Variants in ACTN4 observed in about 807,000 individuals in gnomAD.
ACTN4 encodes actinin alpha 4, also known as alpha-actinin-4.
Under a neutral mutation model 114.2 loss-of-function variants are expected in ACTN4, and 18 were observed. The ratio of observed to expected loss-of-function variants is 0.16; its 90% CI spans 0.11 to 0.23. The LOEUF (loss-of-function observed/expected upper bound fraction) is 0.23, where lower values mean the gene tolerates loss of function less well. Among genes scored for constraint, ACTN4 ranks in the 10% least tolerant of loss-of-function variants. The pLI is 1.00. For synonymous variants in ACTN4, 515 were observed against 506.3 expected, an observed-to-expected ratio of 1.02 and a Z score of -0.23; for missense variants, 722 against 1,262.9, an observed-to-expected ratio of 0.57 and a Z score of 6.49.
chr19:38,724,107 A>G lies in ACTN4; in HGVS notation c.1692+30A>G. 1 of 1,613,498 alleles carries G rather than the reference A, an allele frequency of 6.2e-7. No individual in the cohort carries two copies. Among genetic ancestry groups the G allele is most frequent in the Non-Finnish European group, 8.5e-7 (1 of 1,179,956 alleles). On this transcript the variant is annotated intron_variant, in intron 14 of 20. Coordinates refer to ENST00000252699, the MANE Select transcript of ACTN4 (RefSeq NM_004924.6). This position sits in a 1 kb window ranked among gnomAD's most constrained non-coding sequence, Gnocchi z 7.0. ...GCACCCCCCGGCCCCCCATCTTCCC[A>G]AGAGCCTCTGTGGGGCTGGGCCGCC...
At chr19:38,700,742 C>T (rs374508259) in intron 2 of ACTN4, 28 bp downstream of exon 2, 53 of 1,589,236 alleles carry the variant, frequency 3.3e-5, no homozygotes, top group Non-Finnish European at 3.6e-5. Context: ...GCAGTGCGGC[C>T]GAGCCCTGGC....
intron 1 of ACTN4, among the ~76,000 whole-genome samples, chr19:38,690,532 T>C (rs1409427016): frequency 6.6e-6 from 1 of 152,206 alleles, no homozygotes; most frequent in Middle Eastern, 3.2e-3. Context: ...AAGGTTCAAT[T>C]CCTTGGAATC....
At position 38,724,347 on chromosome 19, in the gene ACTN4, G is replaced by C. The variant is rs753583132; in HGVS notation, c.1875+8G>C. On this transcript the variant is annotated splice_region_variant and intron_variant, in intron 15 of 20. Coordinates refer to ENST00000252699, the MANE Select transcript of ACTN4 (RefSeq NM_004924.6). This position sits in a 1 kb window ranked among gnomAD's most constrained non-coding sequence, Gnocchi z 7.0. ...AACTCCAAGTGGGAGAAGGTGGGCC[G>C]GGGCCATCCGTAGGGGCTGGGGCAG... 6.2e-7 allele frequency: 1 copy of C among 1,613,032 alleles called. No homozygotes were observed. Among genetic ancestry groups the C allele is most frequent in the South Asian group, 1.1e-5 (1 of 91,074 alleles).
In ACTN4 at chr19:38,731,079, T is replaced by G. The variant is rs746854847; in HGVS notation, c.*1647T>G. 2 of 1,081,156 alleles carry G rather than the reference T, an allele frequency of 1.8e-6. No individual in the cohort carries two copies. The highest frequency in any genetic ancestry group is 4.7e-5 in the East Asian group (2 of 42,680). 67.0% of individuals were successfully genotyped at this position (1,081,156 alleles called of 1,614,324 possible). On this transcript the variant is annotated 3_prime_UTR_variant, in exon 21 of 21. Coordinates refer to ENST00000252699, the MANE Select transcript of ACTN4 (RefSeq NM_004924.6). ...CCAGTCCCCGTACCCCTTCCCCCCATGCCCCACCATGCCGGGGTGGTACTC... is the reference window on the plus strand; with the variant it reads ...CCAGTCCCCGTACCCCTTCCCCCCAGGCCCCACCATGCCGGGGTGGTACTC...
chr19:38,696,910 C>T (rs1256236282), intron 1 of ACTN4, among the ~76,000 whole-genome samples: 1 of 152,208 alleles, frequency 6.6e-6, no homozygotes, highest in Admixed American at 6.5e-5. Context: ...GGAAGAGTTA[C>T]CATTGCTTTC....
intron 19 of ACTN4, chr19:38,728,252 G>T: frequency 6.6e-7 from 1 of 1,504,522 alleles, no homozygotes; most frequent in Non-Finnish European, 9.0e-7. Flanking sequence ...CTGTGCACAT[G>T]GGGCGGCCCC....
Position 38,665,464 on chromosome 19 carries a change from A to G in ACTN4, c.162+17557A>G, listed in dbSNP as rs143144565. ...TGATTTCAATGGCACATGGTCCTGC[A>G]TCCAGGTGGGATCTGCTACTTGAGT... On this transcript the variant is annotated intron_variant, in intron 1 of 20. Transcript: ENST00000252699. Among the ~76,000 whole-genome samples the G allele has an allele frequency of 1.5e-3, 229 of 152,368 alleles. 2 individuals are homozygous for G. The highest frequency in any genetic ancestry group is 5.4e-3 in the African/African-American group (223 of 41,574).
intron 3 of ACTN4, among the ~76,000 whole-genome samples, chr19:38,703,441 TTGGCCGGGC>T (rs1968350935): frequency 1.3e-5 from 2 of 152,114 alleles, no homozygotes; most frequent in Non-Finnish European, 2.9e-5. Context: ...CTTCACCATC[TTGGCCGGGC>T]TGGTCTCGAA....
chr19:38,713,730 C>G (rs1329175282), intron 8 of ACTN4, among the ~76,000 whole-genome samples: 3 of 152,212 alleles, frequency 2.0e-5, no homozygotes, highest in Non-Finnish European at 4.4e-5. Context: ...TCTTTCTGTT[C>G]CTGTTCTGTT....
chr19:38,650,301 G>A (rs1008445062), intron 1 of ACTN4, among the ~76,000 whole-genome samples: 33 of 152,080 alleles, frequency 2.2e-4, no homozygotes, highest in African/African-American at 7.5e-4. Context: ...TAGGGTGTGG[G>A]CTTTGTTCGT....
intron 1 of ACTN4, among the ~76,000 whole-genome samples, chr19:38,690,304 T>C (rs1262749270): frequency 1.3e-5 from 2 of 152,256 alleles, no homozygotes; most frequent in Non-Finnish European, 2.9e-5. Flanking sequence ...AGACCCACTG[T>C]TGACTTCCAC....
intron 1 of ACTN4, among the ~76,000 whole-genome samples, chr19:38,677,917 A>G (rs936301734): frequency 6.6e-5 from 10 of 151,972 alleles, no homozygotes; most frequent in East Asian, 1.9e-4. Flanking sequence ...GGTAGAGACA[A>G]TGTTTCACCA....
intron 8 of ACTN4, chr19:38,711,433 T>C (rs1968650416): frequency 1.3e-6 from 1 of 755,480 alleles, no homozygotes; most frequent in African/African-American, 1.9e-5. Flanking sequence ...GCATCACCGC[T>C]GGCCATCTGT....
chr19:38,663,827 C>G (rs745775812), intron 1 of ACTN4, among the ~76,000 whole-genome samples: 31 of 152,216 alleles, frequency 2.0e-4, no homozygotes, highest in Non-Finnish European at 4.1e-4. Context: ...CTGTCACTGT[C>G]ACAGATATCG....
chr19:38,686,967 T>C (rs1044899518), intron 1 of ACTN4, among the ~76,000 whole-genome samples: 17 of 131,702 alleles, frequency 1.3e-4, no homozygotes, highest in Admixed American at 3.0e-4. Flanking sequence ...CAGAGTCTCT[T>C]TTTTTTTTTT....
chr19:38,728,155 T>A (rs1418930374), intron 19 of ACTN4, 129 bp downstream of exon 19: 1 of 1,319,142 alleles, frequency 7.6e-7, no homozygotes, highest in Non-Finnish European at 1.1e-6. Flanking sequence ...CTTGCCTCCC[T>A]GCCCACATCT....
At chr19:38,705,982 T>C (rs1968446935) in intron 4 of ACTN4, 62 bp from the exon 5 acceptor site, 11 of 1,575,034 alleles carry the variant, frequency 7.0e-6, no homozygotes, top group Non-Finnish European at 9.6e-6. Context: ...CCCATCCAAC[T>C]TGGGCTGAGT....
Position 38,717,238 on chromosome 19 carries a change from C to G in ACTN4, c.1065C>G (p.Ile355Met). The change falls in exon 10 of 21, where the codon ATC (isoleucine) becomes ATG (methionine). Residue 355 changes from isoleucine (I) to methionine (M), a missense_variant. Ile to Met is a conservative substitution (Grantham distance 10, BLOSUM62 1). Coordinates refer to ENST00000252699, the MANE Select transcript of ACTN4 (RefSeq NM_004924.6). This position sits in a 1 kb window ranked among gnomAD's most constrained non-coding sequence, Gnocchi z 4.0. ...PKVQEKCQLE[I>M]NFNTLQTKLR... Reference sequence around the variant, plus strand: ...TGCAGGAGAAGTGCCAGCTGGAGATCAACTTCAACACGCTGCAGACCAAGC... The same window carrying G: ...TGCAGGAGAAGTGCCAGCTGGAGATGAACTTCAACACGCTGCAGACCAAGC... 6.2e-7 allele frequency: 1 copy of G among 1,614,188 alleles called. No individual in the cohort carries two copies. The highest frequency in any genetic ancestry group is 8.5e-7 in the Non-Finnish European group (1 of 1,180,044).
At chr19:38,684,558 A>G (rs1599795758) in intron 1 of ACTN4, among the ~76,000 whole-genome samples, 1 of 152,196 alleles carries the variant, frequency 6.6e-6, no homozygotes, top group African/African-American at 2.4e-5. Context: ...TCCTGGAGAC[A>G]GCCACCCCTT....
Sources: allele counts gnomAD v4.1 joint callset (sites outside exome capture counted in the v4.1 genomes callset), GRCh38; gene constraint gnomAD v4.1.1; non-coding constraint Gnocchi (gnomAD v3.1); transcripts MANE v1.5; gene names NCBI Gene and HGNC (gene_info 2026-07-23, HGNC 2026-07-21).